The following PTPRQ variants were observed in gnomAD, a reference collection of about 807,000 sequenced individuals.
PTPRQ encodes phosphatidylinositol phosphatase PTPRQ.
PTPRQ carries 199 observed loss-of-function variants against 246.0 expected under a neutral mutation model. The observed-to-expected ratio is 0.81, with a 90% CI of 0.72 to 0.91. The LOEUF (loss-of-function observed/expected upper bound fraction) is 0.91. Among genes scored for constraint, PTPRQ ranks in the 40% least tolerant of loss-of-function variants. The probability of loss-of-function intolerance (pLI) is 0.00; values close to 1 mark genes in which losing one functional copy is unlikely to be tolerated. For synonymous variants in PTPRQ, 869 were observed against 853.2 expected (o/e 1.02, Z -0.32); for missense variants, 2,624 against 2,528.4 (o/e 1.04, Z -0.81).
chr12:80,573,346 G>A (rs867303511), intron 25 of PTPRQ, among the ~76,000 whole-genome samples: 13 of 152,004 alleles, frequency 8.6e-5, no homozygotes, highest in South Asian at 4.1e-4. Context: ...AAAATTAGCC[G>A]GGCATGGTGG....
At chr12:80,448,958 C>T (rs899800833) in intron 3 of PTPRQ, among the ~76,000 whole-genome samples, 1 of 150,276 alleles carries the variant, frequency 6.7e-6, no homozygotes, top group African/African-American at 2.4e-5. Flanking sequence ...ACACTGACTT[C>T]CACAATGGTT....
chr12:80,483,562 C>A (rs1002495254), intron 8 of PTPRQ, among the ~76,000 whole-genome samples: 1 of 151,998 alleles, frequency 6.6e-6, no homozygotes, highest in Admixed American at 6.6e-5. Context: ...TATTAAATAT[C>A]CATGTATTTA....
At chr12:80,616,750 A>C (rs1050610916) in intron 30 of PTPRQ, among the ~76,000 whole-genome samples, 1 of 151,210 alleles carries the variant, frequency 6.6e-6, no homozygotes, top group African/African-American at 2.4e-5. Context: ...AAATCTATCA[A>C]TTCATGATTC....
Position 80,610,473 on chromosome 12 carries a change from A to G in PTPRQ, c.4766A>G (p.Lys1589Arg). 6.6e-7 allele frequency: 1 copy of G among 1,507,684 alleles called. No homozygotes were observed. The highest frequency in any genetic ancestry group is 9.0e-7 in the Non-Finnish European group (1 of 1,116,764). 93.4% of individuals were successfully genotyped at this position (1,507,684 alleles called of 1,614,324 possible). A position where few individuals can be genotyped will look rare whatever the true frequency, so the allele number is the denominator to read the frequency against. The change falls in exon 28 of 45, where the codon AAG becomes AGG. Residue 1589 changes from lysine to arginine, a missense_variant. Physicochemically the swap from Lys to Arg is conservative, Grantham distance 26. Coordinates refer to ENST00000644991, the MANE Select transcript of PTPRQ (RefSeq NM_001145026.2). ...GATGAATTTAATATATCCTTCATCAAGTCAAATGAAGAAAATAAAACCATA... is the reference window on the plus strand; with the variant it reads ...GATGAATTTAATATATCCTTCATCAGGTCAAATGAAGAAAATAAAACCATA... ...DNDEFNISFI[K>R]SNEENKTIEI...
chr12:80,674,346 A>G (rs536084468), intron 43 of PTPRQ, among the ~76,000 whole-genome samples: 1 of 152,288 alleles, frequency 6.6e-6, no homozygotes, highest in Non-Finnish European at 1.5e-5. Context: ...CTGATTTTTA[A>G]AGACATAAAT....
chr12:80,503,879 A>G (rs1894875842), intron 14 of PTPRQ, among the ~76,000 whole-genome samples: 1 of 151,574 alleles, frequency 6.6e-6, no homozygotes, highest in Non-Finnish European at 1.5e-5. Context: ...TTTTCTGGGT[A>G]TGGAATTCCA....
rs1186274567 is a variant in PTPRQ, at chr12:80,510,387, A to T, written c.2622A>T (p.Ser874=). ...TGTCTGGTGTCACGGTGAAGTTGTC[A>T]TGGCAACCACCCCTGGAGCCAAATG... ...KQLSGVTVKL[S]WQPPLEPNGI... is the part of the protein sequence containing the mutation. The change falls in exon 17 of 45, where the codon TCA becomes TCT. Residue 874 remains serine, a synonymous_variant. Transcript: ENST00000644991. The T allele has an allele frequency of 6.4e-7, 1 of 1,550,484 alleles. No homozygotes were observed. Among genetic ancestry groups the T allele is most frequent in the Admixed American group, 2.0e-5 (1 of 50,978 alleles).
At chr12:80,667,418 T>C (rs1384197362) in intron 39 of PTPRQ, among the ~76,000 whole-genome samples, 2 of 152,018 alleles carry the variant, frequency 1.3e-5, no homozygotes, top group Admixed American at 6.6e-5. Flanking sequence ...GAATAACCTA[T>C]TTCTGAACAG....
chr12:80,599,590 T>A (rs1212059313), intron 26 of PTPRQ, among the ~76,000 whole-genome samples: 1 of 151,916 alleles, frequency 6.6e-6, no homozygotes, highest in Non-Finnish European at 1.5e-5. Context: ...AGTAATAGTT[T>A]ACTATATGCT....
intron 35 of PTPRQ, among the ~76,000 whole-genome samples, chr12:80,646,530 T>C (rs1900079455): frequency 6.6e-6 from 1 of 152,168 alleles, no homozygotes; most frequent in East Asian, 1.9e-4. Context: ...TGGTTAGTCA[T>C]TGGTTGATGG....
At position 80,506,165 on chromosome 12, in the gene PTPRQ, A is replaced by G. The variant is rs776751683; in HGVS notation, c.2414A>G (p.Glu805Gly). 82 of 1,524,790 alleles carry G rather than the reference A, an allele frequency of 5.4e-5. No homozygotes were observed. Among genetic ancestry groups the G allele is most frequent in the Non-Finnish European group, 7.0e-5 (80 of 1,137,476 alleles). The allele number at this position is 1,524,790 out of a possible 1,614,324, so 94.5% of individuals were successfully genotyped here. A position where few individuals can be genotyped will look rare whatever the true frequency, so the allele number is the denominator to read the frequency against. The change falls in exon 15 of 45, where the codon GAA becomes GGA. Residue 805 changes from glutamate to glycine, a missense_variant. By Grantham distance (98) the Glu-to-Gly change is moderately conservative. Coordinates refer to ENST00000644991, the MANE Select transcript of PTPRQ (RefSeq NM_001145026.2). ...IYLKRSNGNEERTINTTSLTQ... is the reference protein window; with the variant it reads ...IYLKRSNGNEGRTINTTSLTQ... ...CTCAAGAGAAGTAATGGAAATGAGG[A>G]AAGAACTATAAATACAACCTCTTTA...
At chr12:80,556,889 TAGA>T (rs1029940236) in intron 25 of PTPRQ, among the ~76,000 whole-genome samples, 6 of 152,160 alleles carry the variant, frequency 3.9e-5, no homozygotes, top group African/African-American at 1.4e-4. Flanking sequence ...GGTATTTTAT[TAGA>T]AGGAGTGTAA....
At chr12:80,617,170 A>C (rs2121121225) in intron 30 of PTPRQ, among the ~76,000 whole-genome samples, 1 of 151,302 alleles carries the variant, frequency 6.6e-6, no homozygotes, top group South Asian at 2.1e-4. Context: ...TGACTTTGAG[A>C]AAGTTTCTTA....
chr12:80,566,172 G>T (rs1186512899), intron 25 of PTPRQ, among the ~76,000 whole-genome samples: 1 of 151,992 alleles, frequency 6.6e-6, no homozygotes, highest in Non-Finnish European at 1.5e-5. Flanking sequence ...CTTATTAAAA[G>T]ATACATTAAA....
At chr12:80,675,016 T>C (rs1901090431) in intron 43 of PTPRQ, among the ~76,000 whole-genome samples, 1 of 152,190 alleles carries the variant, frequency 6.6e-6, no homozygotes, top group African/African-American at 2.4e-5. Flanking sequence ...CTTAACTACT[T>C]CAATTCTGTG....
At chr12:80,630,088 T>A (rs999314351) in intron 33 of PTPRQ, among the ~76,000 whole-genome samples, 1 of 152,208 alleles carries the variant, frequency 6.6e-6, no homozygotes, top group Non-Finnish European at 1.5e-5. Flanking sequence ...TTGATATTAT[T>A]TAAGCTACTT....
At chr12:80,542,924 A>C in intron 23 of PTPRQ, 43 bp downstream of exon 23, 1 of 1,247,702 alleles carries the variant, frequency 8.0e-7, no homozygotes. Context: ...TAAAAATCAG[A>C]AATTGAATTA....
intron 43 of PTPRQ, among the ~76,000 whole-genome samples, chr12:80,677,753 T>C (rs1440853751): frequency 6.6e-6 from 1 of 152,210 alleles, no homozygotes; most frequent in African/African-American, 2.4e-5. Context: ...TAGATACGAA[T>C]ATAACCTCTG....
chr12:80,495,594 G>A (rs1003854716), intron 12 of PTPRQ, among the ~76,000 whole-genome samples: 1 of 151,948 alleles, frequency 6.6e-6, no homozygotes, highest in African/African-American at 2.4e-5. Context: ...GAAGTAAAAA[G>A]CATCAGATCA....
Sources: gnomAD v4.1 joint callset for allele counts (sites outside exome capture counted in the v4.1 genomes callset) on GRCh38, gnomAD v4.1.1 for gene constraint, MANE v1.5 for transcripts, NCBI Gene and HGNC (gene_info 2026-07-23, HGNC 2026-07-21) for gene names.